LRMDA: variants seen among roughly 807,000 people sequenced by gnomAD.
LRMDA encodes leucine rich melanocyte differentiation associated.
LRMDA carries 18 observed loss-of-function variants against 29.8 expected under a neutral mutation model. That is an observed-to-expected ratio of 0.60 (90% CI 0.42 to 0.90). LRMDA has a LOEUF of 0.90. Among genes scored for constraint, LRMDA ranks in the 40% least tolerant of loss-of-function variants. The pLI is 0.00. For synonymous variants in LRMDA, 125 were observed against 109.4 expected (o/e 1.14, Z -0.89); for missense variants, 273 against 273.9 (o/e 1.00, Z 0.02).
intron 6 of LRMDA, among the ~76,000 whole-genome samples, chr10:76,412,656 G>A (rs1841975069): frequency 6.6e-6 from 1 of 152,074 alleles, no homozygotes; most frequent in Admixed American, 6.5e-5. Context: ...AATTGAATGA[G>A]GAATGATTCT....
At chr10:76,384,646 G>A (rs944483926) in intron 6 of LRMDA, among the ~76,000 whole-genome samples, 11 of 152,270 alleles carry the variant, frequency 7.2e-5, no homozygotes, top group African/African-American at 2.6e-4. Flanking sequence ...TCCCAGGAAG[G>A]TTTCCACAAC....
chr10:75,880,671 A>G (rs780012117), intron 2 of LRMDA, among the ~76,000 whole-genome samples: 37 of 152,156 alleles, frequency 2.4e-4, no homozygotes, highest in Admixed American at 1.3e-3. Flanking sequence ...GGGCAGGGCA[A>G]CCCACTCATT....
chr10:76,335,226 T>A (rs1564727409), intron 6 of LRMDA, among the ~76,000 whole-genome samples: 1 of 152,222 alleles, frequency 6.6e-6, no homozygotes, highest in Non-Finnish European at 1.5e-5. Context: ...GAAGTAAAAT[T>A]TAAGTTTTGT....
intron 6 of LRMDA, among the ~76,000 whole-genome samples, chr10:76,551,811 T>C (rs1843498818): frequency 6.6e-6 from 1 of 152,132 alleles, no homozygotes; most frequent in Non-Finnish European, 1.5e-5. Context: ...ACCAAGACGC[T>C]CCTGATCACC....
chr10:75,477,276 C>CA (rs1325532243), intron 2 of LRMDA, among the ~76,000 whole-genome samples: 1 of 152,138 alleles, frequency 6.6e-6, no homozygotes, highest in Non-Finnish European at 1.5e-5. Flanking sequence ...AGACACCAGT[C>CA]ATGTTGGATT....
At chr10:76,224,602 T>C (rs1851915549) in intron 5 of LRMDA, among the ~76,000 whole-genome samples, 2 of 150,792 alleles carry the variant, frequency 1.3e-5, no homozygotes, top group Non-Finnish European at 2.9e-5. Context: ...TAGGCAAGGA[T>C]TGCTAGGTTA....
At chr10:75,778,345 T>C (rs1032355078) in intron 2 of LRMDA, among the ~76,000 whole-genome samples, 2 of 152,196 alleles carry the variant, frequency 1.3e-5, no homozygotes, top group African/African-American at 4.8e-5. Context: ...CCCAAAGTGC[T>C]GGGATTACAG....
chr10:76,419,368 C>A (rs1842050643), intron 6 of LRMDA, among the ~76,000 whole-genome samples: 1 of 151,890 alleles, frequency 6.6e-6, no homozygotes, highest in African/African-American at 2.4e-5. Context: ...AGCTTTTTTT[C>A]AGTTGGTAAT....
intron 2 of LRMDA, among the ~76,000 whole-genome samples, chr10:75,571,117 G>T (rs1431882317): frequency 3.3e-5 from 5 of 151,946 alleles, no homozygotes; most frequent in African/African-American, 1.2e-4. Flanking sequence ...CATGGGAGGT[G>T]TTCAGATCTG....
At chr10:76,534,496 A>C (rs1044191939) in intron 6 of LRMDA, among the ~76,000 whole-genome samples, 3 of 152,206 alleles carry the variant, frequency 2.0e-5, no homozygotes, top group Admixed American at 1.3e-4. Flanking sequence ...AGCCACAAAA[A>C]TTACACCTGG....
intron 2 of LRMDA, among the ~76,000 whole-genome samples, chr10:75,991,121 G>C (rs1231553073): frequency 2.6e-5 from 4 of 152,150 alleles, no homozygotes; most frequent in Non-Finnish European, 5.9e-5. Context: ...GAGAACTCGG[G>C]TATGGCAAGC....
intron 2 of LRMDA, among the ~76,000 whole-genome samples, chr10:75,497,144 A>T (rs996027388): frequency 1.3e-5 from 2 of 152,206 alleles, no homozygotes; most frequent in Non-Finnish European, 2.9e-5. Flanking sequence ...TGATAAAATC[A>T]TGCTACATGT....
At position 75,974,119 on chromosome 10, in the gene LRMDA, C is replaced by T. The variant is rs183521218; in HGVS notation, c.132-61889C>T. 1.3e-4 allele frequency among the ~76,000 whole-genome samples: 20 copies of T among 152,146 alleles called. No homozygotes were observed. In the East Asian group the frequency reaches 3.7e-3, roughly 28 times the overall value. On this transcript the variant is annotated intron_variant, in intron 2 of 6. Transcript: ENST00000611255. ...CTTCTATCTGTGGTATTCCATTGTC[C>T]CCAGTTTTCTTCTTCTTTCTTCTGT... is the stretch of plus-strand genomic sequence containing the variant.
intron 2 of LRMDA, among the ~76,000 whole-genome samples, chr10:75,985,791 T>C (rs1254890003): frequency 1.3e-5 from 2 of 152,040 alleles, no homozygotes; most frequent in Non-Finnish European, 2.9e-5. Flanking sequence ...AGGATGTGAA[T>C]GCACACTGGG....
intron 5 of LRMDA, among the ~76,000 whole-genome samples, chr10:76,124,072 T>C (rs932831033): frequency 1.3e-5 from 2 of 152,192 alleles, no homozygotes; most frequent in Non-Finnish European, 2.9e-5. Flanking sequence ...CTTGCTTTCC[T>C]CTCTCCTCTG....
At chr10:75,439,576 T>C (rs987353712) in intron 2 of LRMDA, among the ~76,000 whole-genome samples, 1 of 152,154 alleles carries the variant, frequency 6.6e-6, no homozygotes, top group Non-Finnish European at 1.5e-5. Context: ...GCGGAACTCC[T>C]TGGATGCTGC....
intron 5 of LRMDA, among the ~76,000 whole-genome samples, chr10:76,107,957 CAA>C (rs939014110): frequency 2.0e-5 from 3 of 152,136 alleles, no homozygotes; most frequent in African/African-American, 4.8e-5. Context: ...CCCTTAGGGG[CAA>C]AGAGTTTTCT....
At chr10:76,070,843 G>A (rs143435002) in intron 5 of LRMDA, among the ~76,000 whole-genome samples, 173 of 152,262 alleles carry the variant, frequency 1.1e-3, no homozygotes, top group African/African-American at 4.0e-3. Context: ...CTCAGCCACC[G>A]CACGAGACCC....
At chr10:75,958,212 C>T (rs1455340523) in intron 2 of LRMDA, among the ~76,000 whole-genome samples, 1 of 152,156 alleles carries the variant, frequency 6.6e-6, no homozygotes, top group African/African-American at 2.4e-5. Flanking sequence ...CAGGTACATC[C>T]TGGTTTCTTG....
Sources: allele counts gnomAD v4.1 joint callset (sites outside exome capture counted in the v4.1 genomes callset), GRCh38; gene constraint gnomAD v4.1.1; transcripts MANE v1.5; gene names NCBI Gene and HGNC (gene_info 2026-07-23, HGNC 2026-07-21).